MAPKAP1: variants seen among roughly 807,000 people sequenced by gnomAD.
MAPKAP1 encodes target of rapamycin complex 2 subunit MAPKAP1.
In MAPKAP1, 20 loss-of-function variants were observed where a neutral mutation model predicts 65.7. The observed-to-expected ratio is 0.30, with a 90% CI of 0.21 to 0.44. The LOEUF is 0.44. Among genes scored for constraint, MAPKAP1 ranks in the 20% least tolerant of loss-of-function variants. MAPKAP1 has a pLI of 1.00. For missense variants in MAPKAP1, 423 were observed against 648.0 expected, an observed-to-expected ratio of 0.65 and a Z score of 3.77; for synonymous variants, 222 against 244.3, an observed-to-expected ratio of 0.91 and a Z score of 0.85.
In MAPKAP1 at chr9:125,438,274, T is replaced by C. The variant is rs1460328738; in HGVS notation, c.*613A>G. The C allele has an allele frequency of 1.0e-5, 4 of 397,762 alleles. No homozygotes were observed. The highest frequency in any genetic ancestry group is 1.8e-5 in the Non-Finnish European group (4 of 225,764). 24.6% of individuals were successfully genotyped at this position (397,762 alleles called of 1,614,324 possible). A position where few individuals can be genotyped will look rare whatever the true frequency, so the allele number is the denominator to read the frequency against. On this transcript the variant is annotated 3_prime_UTR_variant, in exon 12 of 12. Coordinates refer to ENST00000265960, the MANE Select transcript of MAPKAP1 (RefSeq NM_001006617.3). ...CTAGGTCTCTGTTCCTAACTTTTAG[T>C]AAGACACTACCCTCGAAGCAAATGC...
At chr9:125,686,986 C>T (rs1326943528) in intron 1 of MAPKAP1, among the ~76,000 whole-genome samples, 4 of 152,030 alleles carry the variant, frequency 2.6e-5, no homozygotes, top group African/African-American at 7.2e-5. Flanking sequence ...CCACCACGCC[C>T]GGCTAATTTT....
At chr9:125,524,212 T>C (rs975838973) in intron 7 of MAPKAP1, among the ~76,000 whole-genome samples, 1 of 152,182 alleles carries the variant, frequency 6.6e-6, no homozygotes, top group Non-Finnish European at 1.5e-5. Flanking sequence ...TTCTACTAGG[T>C]TGGTAGGACA....
chr9:125,506,005 CT>C (rs1385767623), intron 8 of MAPKAP1: 2 of 393,776 alleles, frequency 5.1e-6, no homozygotes, highest in Non-Finnish European at 9.5e-6. Flanking sequence ...ACAAAATAGC[CT>C]TTACTTCAGA....
intron 8 of MAPKAP1, among the ~76,000 whole-genome samples, chr9:125,486,656 T>C (rs543468733): frequency 2.5e-4 from 38 of 152,232 alleles, no homozygotes; most frequent in African/African-American, 8.9e-4. Flanking sequence ...CTACAGTAAT[T>C]CCCAACCTGG....
chr9:125,438,933 C>A lies in MAPKAP1; in HGVS notation c.1523G>T (p.Arg508Leu), dbSNP rs374025668. The A allele has an allele frequency of 3.1e-6, 5 of 1,614,240 alleles. No individual in the cohort carries two copies. The highest frequency in any genetic ancestry group is 1.1e-5 in the South Asian group (1 of 91,080). The change falls in exon 12 of 12, where the codon CGT (arginine) becomes CTT (leucine). Residue 508 changes from arginine (R) to leucine (L), a missense_variant. Physicochemically the swap from Arg to Leu is moderately radical, Grantham distance 102. Transcript: ENST00000265960. ...FAQKQRKLNRRTSFSFQKEKK... is the reference protein window; with the variant it reads ...FAQKQRKLNRLTSFSFQKEKK... ...CTCCTTCTGGAAGCTGAAGCTCGTA[C>A]GTCTGTTCAGTTTTCTTTGTTTTTG... is the stretch of plus-strand genomic sequence containing the variant.
rs535932284 is a variant in MAPKAP1, at chr9:125,519,760, C to CATG, written c.959-13346_959-13344dup. ...AGATCCCATTCGCTCCTGTTATCAC[C>CATG]ATGGCCTGATAACTATGCCCGCCCC... On this transcript the variant is annotated intron_variant, in intron 7 of 11. Coordinates refer to ENST00000265960, the MANE Select transcript of MAPKAP1 (RefSeq NM_001006617.3). Among the ~76,000 whole-genome samples, 1,195 of 151,730 alleles carry CATG rather than the reference C, an allele frequency of 7.9e-3. 15 individuals are homozygous for CATG. The highest frequency in any genetic ancestry group is 0.013 in the Non-Finnish European group (881 of 67,962).
At chr9:125,504,386 T>A (rs1211739489) in intron 8 of MAPKAP1, among the ~76,000 whole-genome samples, 1 of 152,198 alleles carries the variant, frequency 6.6e-6, no homozygotes, top group African/African-American at 2.4e-5. Context: ...CCTTCTGCCT[T>A]TGAGAATTTG....
chr9:125,656,108 A>G (rs570850092), intron 4 of MAPKAP1, among the ~76,000 whole-genome samples: 47 of 152,366 alleles, frequency 3.1e-4, no homozygotes, highest in South Asian at 2.7e-3. Flanking sequence ...CACATCAACT[A>G]TTCCAGAAAT....
intron 5 of MAPKAP1, among the ~76,000 whole-genome samples, chr9:125,585,300 A>G (rs1167427062): frequency 6.6e-6 from 1 of 152,230 alleles, no homozygotes; most frequent in Non-Finnish European, 1.5e-5. Context: ...GTTGCTTATT[A>G]GCAGGGATCA....
chr9:125,663,794 T>C (rs556239782), intron 3 of MAPKAP1, among the ~76,000 whole-genome samples: 71 of 152,242 alleles, frequency 4.7e-4, no homozygotes, highest in Non-Finnish European at 3.1e-4. Context: ...AGGCAGACTA[T>C]ACTTCTTGAG....
intron 7 of MAPKAP1, among the ~76,000 whole-genome samples, chr9:125,521,035 A>C (rs1322811193): frequency 3.3e-5 from 5 of 152,208 alleles, no homozygotes; most frequent in Admixed American, 2.0e-4. Context: ...CACAACACAC[A>C]GGCCTAAGTG....
At chr9:125,636,513 G>T (rs1408875795) in intron 4 of MAPKAP1, among the ~76,000 whole-genome samples, 2 of 152,166 alleles carry the variant, frequency 1.3e-5, no homozygotes, top group Non-Finnish European at 2.9e-5. Flanking sequence ...TCTAACATGT[G>T]AACTGAGAAA....
chr9:125,632,178 C>T (rs978763585), intron 4 of MAPKAP1, among the ~76,000 whole-genome samples: 21 of 149,198 alleles, frequency 1.4e-4, no homozygotes, highest in Non-Finnish European at 2.8e-4. Context: ...GCTGAGATCA[C>T]GCCACTGCAC....
intron 7 of MAPKAP1, among the ~76,000 whole-genome samples, chr9:125,532,997 A>C (rs1002987731): frequency 6.6e-6 from 1 of 152,186 alleles, no homozygotes; most frequent in Non-Finnish European, 1.5e-5. Context: ...ATATAAACAA[A>C]AGCTTTGCCG....
At chr9:125,607,118 C>G (rs551734537) in intron 4 of MAPKAP1, among the ~76,000 whole-genome samples, 4 of 152,160 alleles carry the variant, frequency 2.6e-5, no homozygotes, top group Non-Finnish European at 5.9e-5. Context: ...CTCTGGCATA[C>G]AGCAAACACT....
chr9:125,661,568 T>C (rs1166149682), intron 3 of MAPKAP1, among the ~76,000 whole-genome samples: 1 of 152,298 alleles, frequency 6.6e-6, no homozygotes, highest in Non-Finnish European at 1.5e-5. Context: ...TACAAAACAG[T>C]ATGTATAGTA....
intron 10 of MAPKAP1, among the ~76,000 whole-genome samples, chr9:125,463,964 GC>G (rs1408161418): frequency 3.3e-5 from 5 of 152,098 alleles, no homozygotes; most frequent in Admixed American, 1.3e-4. Context: ...CTGAAATACA[GC>G]CTGAGTGTCT....
intron 10 of MAPKAP1, among the ~76,000 whole-genome samples, chr9:125,459,148 G>A (rs1347846158): frequency 3.4e-4 from 51 of 148,826 alleles, no homozygotes; most frequent in African/African-American, 9.7e-4. Context: ...GGTCGCGGCC[G>A]GGCAGAGGCG....
intron 4 of MAPKAP1, among the ~76,000 whole-genome samples, chr9:125,650,852 C>A (rs965629718): frequency 3.3e-5 from 5 of 152,140 alleles, no homozygotes; most frequent in Non-Finnish European, 7.4e-5. Context: ...ACCATCAAGA[C>A]AAAAATCCCA....
Sources: allele counts gnomAD v4.1 joint callset (sites outside exome capture counted in the v4.1 genomes callset), GRCh38; gene constraint gnomAD v4.1.1; transcripts MANE v1.5; gene names NCBI Gene and HGNC (gene_info 2026-07-23, HGNC 2026-07-21).